DTNB: variants seen among roughly 807,000 people sequenced by gnomAD.
DTNB encodes DTN-B.
A neutral mutation model predicts 90.7 loss-of-function variants in DTNB; 63 were observed. The ratio of observed to expected loss-of-function variants is 0.69; its 90% CI spans 0.57 to 0.86. DTNB has a LOEUF of 0.86. Among genes scored for constraint, DTNB ranks in the 40% least tolerant of loss-of-function variants. DTNB has a pLI of 0.00. For synonymous variants in DTNB, 277 were observed against 286.7 expected (o/e 0.97, Z 0.34); for missense variants, 744 against 807.1 (o/e 0.92, Z 0.95).
At chr2:25,388,072 C>A (rs1351541142) in intron 17 of DTNB, 130 bp downstream of exon 17, 1 of 1,440,530 alleles carries the variant, frequency 6.9e-7, no homozygotes, top group African/African-American at 1.4e-5. Context: ...GACTTATTTA[C>A]ACTGTCTGTC....
intron 10 of DTNB, among the ~76,000 whole-genome samples, chr2:25,471,855 T>C (rs766725454): frequency 3.5e-5 from 5 of 143,366 alleles, no homozygotes; most frequent in Non-Finnish European, 6.0e-5. Flanking sequence ...AATGCTTGGG[T>C]TTAATGTACA....
intron 9 of DTNB, among the ~76,000 whole-genome samples, chr2:25,522,410 T>C (rs1246238273): frequency 6.6e-6 from 1 of 152,126 alleles, no homozygotes; most frequent in Non-Finnish European, 1.5e-5. Context: ...CAGATGCCTG[T>C]GTATATAAAT....
In DTNB at chr2:25,452,238, A is replaced by G. The variant is rs554336525; in HGVS notation, c.1170-603T>C. Among the ~76,000 whole-genome samples, 6 of 152,314 alleles carry G rather than the reference A, an allele frequency of 3.9e-5. No homozygotes were observed. In the South Asian group the frequency reaches 6.2e-4, roughly 16 times the overall value. ...GCATTACTTTTCAACAAGAGTACCA[A>G]TACTCTAAAAATCTAAGGACCCATT... On this transcript the variant is annotated intron_variant, in intron 11 of 20. Coordinates refer to ENST00000406818, the MANE Select transcript of DTNB (RefSeq NM_021907.5).
chr2:25,448,971 GTC>G (rs1356215090), intron 12 of DTNB, among the ~76,000 whole-genome samples: 2 of 151,090 alleles, frequency 1.3e-5, no homozygotes, highest in Non-Finnish European at 2.9e-5. Flanking sequence ...AAGTTTCCTC[GTC>G]TCTCTTCAAT....
rs1355191807 is a variant in DTNB at position 25,482,828 on chromosome 2, G to A, written c.1047C>T (p.His349=). The A allele has an allele frequency of 9.9e-6, 16 of 1,613,108 alleles. No homozygotes were observed. The highest frequency in any genetic ancestry group is 1.7e-5 in the Admixed American group (1 of 59,716). Residue 349 remains histidine (H), a synonymous_variant, in exon 10 of 21, where the codon CAC becomes CAT. Coordinates refer to ENST00000406818, the MANE Select transcript of DTNB (RefSeq NM_021907.5). ...TGGGAGTGGGCACTCCAGAGGACAT[G>A]TGGCTAACCATGGTGTCATTCATAT... The part of the protein sequence containing the change: ...LTNMNDTMVS[H]MSSGVPTPTK...
chr2:25,650,538 G>A (rs2080665060), intron 2 of DTNB, among the ~76,000 whole-genome samples: 1 of 152,224 alleles, frequency 6.6e-6, no homozygotes, highest in Non-Finnish European at 1.5e-5. Flanking sequence ...CAAGGCATGT[G>A]ATGGAAAAAT....
chr2:25,552,077 CT>C (rs780362698), intron 8 of DTNB, among the ~76,000 whole-genome samples: 3 of 152,232 alleles, frequency 2.0e-5, no homozygotes, highest in Non-Finnish European at 2.9e-5. Flanking sequence ...ACTATAGTTG[CT>C]GCAAAATCTA....
chr2:25,596,090 T>C lies in DTNB; in HGVS notation c.599A>G (p.Gln200Arg), dbSNP rs2064560177. The change falls in exon 6 of 21, where the codon CAG becomes CGG. Residue 200 changes from glutamine to arginine, a missense_variant. Gln to Arg is a conservative substitution (Grantham distance 43). Coordinates refer to ENST00000406818, the MANE Select transcript of DTNB (RefSeq NM_021907.5). ...ATTCTATAAAACTGTCCTTACCTGC[T>C]GTGGAAAACAGGTGCGGACTGAGTG... The part of the protein sequence containing the change: ...TEHSVRTCFP[Q>R]QRKIMLNMFL... 7 of 1,603,772 alleles carry C rather than the reference T, an allele frequency of 4.4e-6. No individual in the cohort carries two copies. The highest frequency in any genetic ancestry group is 5.9e-6 in the Non-Finnish European group (7 of 1,176,678).
At position 25,666,087 on chromosome 2, in the gene DTNB, T is replaced by C. The variant is rs1012496667; in HGVS notation, c.-2+7299A>G. Among the ~76,000 whole-genome samples, 4 of 152,250 alleles carry C rather than the reference T, an allele frequency of 2.6e-5. No individual in the cohort carries two copies. In the East Asian group the frequency reaches 7.7e-4, roughly 29 times the overall value. ...TGATATTTAGTCCAAACCTGATTAC[T>C]ACAGCATTTCAGCCCTATTTTAACT... On this transcript the variant is annotated intron_variant, in intron 1 of 20. Transcript: ENST00000406818.
chr2:25,437,635 A>C (rs2056281043), intron 12 of DTNB, among the ~76,000 whole-genome samples: 1 of 152,170 alleles, frequency 6.6e-6, no homozygotes, highest in Non-Finnish European at 1.5e-5. Context: ...TCTTCCTAAA[A>C]TGCCTTCAGG....
intron 4 of DTNB, among the ~76,000 whole-genome samples, chr2:25,620,127 A>G (rs1019590747): frequency 1.3e-5 from 2 of 152,292 alleles, no homozygotes; most frequent in African/African-American, 4.8e-5. Flanking sequence ...GTAATCCCAG[A>G]CAGATGTGGG....
chr2:25,634,675 G>C (rs199550539), intron 3 of DTNB, among the ~76,000 whole-genome samples: 1 of 116,060 alleles, frequency 8.6e-6, no homozygotes, highest in South Asian at 2.8e-4. Context: ...TGTAGAAAGA[G>C]GTAGACATGG....
intron 1 of DTNB, among the ~76,000 whole-genome samples, chr2:25,669,253 T>A (rs1574286493): frequency 1.3e-5 from 2 of 152,208 alleles, no homozygotes; most frequent in East Asian, 3.8e-4. Flanking sequence ...CTTACAATGG[T>A]TAAAATTGTT....
intron 5 of DTNB, among the ~76,000 whole-genome samples, chr2:25,604,081 A>G (rs1037795272): frequency 3.9e-5 from 6 of 152,188 alleles, no homozygotes; most frequent in Non-Finnish European, 7.3e-5. Context: ...TAGCATATTA[A>G]AAGTAGTAAG....
chr2:25,595,542 A>G (rs2064413061), intron 6 of DTNB, among the ~76,000 whole-genome samples: 1 of 152,194 alleles, frequency 6.6e-6, no homozygotes, highest in South Asian at 2.1e-4. Flanking sequence ...TGTTAGGTGT[A>G]GACGGTTCTC....
At chr2:25,654,600 C>T (rs1393251042) in intron 1 of DTNB, among the ~76,000 whole-genome samples, 1 of 152,178 alleles carries the variant, frequency 6.6e-6, no homozygotes, top group Non-Finnish European at 1.5e-5. Context: ...CAGTTGACAT[C>T]CTGAATTCTA....
At chr2:25,609,637 A>T (rs1285780568) in intron 4 of DTNB, among the ~76,000 whole-genome samples, 3 of 145,548 alleles carry the variant, frequency 2.1e-5, no homozygotes, top group Non-Finnish European at 4.5e-5. Context: ...GCTATGCATA[A>T]ACATTTCCAT....
At chr2:25,453,033 T>G (rs889046839) in intron 11 of DTNB, among the ~76,000 whole-genome samples, 1 of 151,894 alleles carries the variant, frequency 6.6e-6, no homozygotes, top group Non-Finnish European at 1.5e-5. Context: ...AAGAGAACTA[T>G]CTTTTAAATT....
At chr2:25,406,820 T>C (rs2045312304) in intron 16 of DTNB, among the ~76,000 whole-genome samples, 2 of 152,006 alleles carry the variant, frequency 1.3e-5, no homozygotes, top group South Asian at 2.1e-4. Context: ...TCAGGTTAGT[T>C]AGACCTTCAA....
Sources: allele counts gnomAD v4.1 joint callset (sites outside exome capture counted in the v4.1 genomes callset), GRCh38; gene constraint gnomAD v4.1.1; transcripts MANE v1.5; gene names NCBI Gene and HGNC (gene_info 2026-07-23, HGNC 2026-07-21).